Variants in TBC1D23 observed in about 807,000 individuals in gnomAD.
TBC1D23 encodes HCV non-structural protein 4A-transactivated protein 1.
TBC1D23 carries 55 observed loss-of-function variants against 91.4 expected under a neutral mutation model. That is an observed-to-expected ratio of 0.60 (90% CI 0.48 to 0.75). The LOEUF is 0.75. Among genes scored for constraint, TBC1D23 ranks in the 30% least tolerant of loss-of-function variants. The probability of loss-of-function intolerance (pLI) is 0.00; values close to 1 mark genes in which losing one functional copy is unlikely to be tolerated. For missense variants in TBC1D23, 725 were observed against 836.1 expected, an observed-to-expected ratio of 0.87 and a Z score of 1.64; for synonymous variants, 289 against 281.0, an observed-to-expected ratio of 1.03 and a Z score of -0.28.
chr3:100,301,630 G>A (rs1445704874), intron 10 of TBC1D23, among the ~76,000 whole-genome samples: 1 of 152,184 alleles, frequency 6.6e-6, no homozygotes, highest in African/African-American at 2.4e-5. Context: ...ACCTGGAATA[G>A]TGCTGATAAA....
intron 2 of TBC1D23, among the ~76,000 whole-genome samples, chr3:100,280,868 G>A (rs1168985942): frequency 2.6e-5 from 4 of 152,096 alleles, no homozygotes; most frequent in Non-Finnish European, 5.9e-5. Context: ...TTAAAAGAAT[G>A]GTAATTCCTG....
chr3:100,271,449 T>C (rs2067598564), intron 1 of TBC1D23, among the ~76,000 whole-genome samples: 2 of 152,140 alleles, frequency 1.3e-5, no homozygotes, highest in East Asian at 1.9e-4. Context: ...AGAGAAGGGA[T>C]AATGGATGGC....
intron 13 of TBC1D23, 71 bp downstream of exon 13, chr3:100,306,614 C>G: frequency 1.2e-6 from 1 of 819,248 alleles, no homozygotes; most frequent in Non-Finnish European, 2.1e-6. Flanking sequence ...CTACTAAACC[C>G]CCACCATAAC....
In TBC1D23 at chr3:100,302,168, C is replaced by G; in HGVS notation, c.1194C>G (p.Leu398=). ...ESGSIAGGEH[L]CFMGSGREEE... is the part of the protein sequence containing the mutation. ...GCTCCATAGCTGGTGGGGAGCACCT[C>G]TGTTTTATGGGCAGTGGCAGGGAGG... Residue 398 remains leucine (L), a synonymous_variant, in exon 11 of 19, where the codon CTC becomes CTG. Coordinates refer to ENST00000394144, the MANE Select transcript of TBC1D23 (RefSeq NM_001199198.3). 6.2e-7 allele frequency: 1 copy of G among 1,614,056 alleles called. No individual in the cohort carries two copies. The highest frequency in any genetic ancestry group is 8.5e-7 in the Non-Finnish European group (1 of 1,179,980).
chr3:100,300,103 A>G (rs1705396947), intron 10 of TBC1D23, among the ~76,000 whole-genome samples: 1 of 152,224 alleles, frequency 6.6e-6, no homozygotes. Flanking sequence ...CTTAGTTATT[A>G]AAACTACTAT....
intron 4 of TBC1D23, among the ~76,000 whole-genome samples, chr3:100,287,831 C>G (rs2067757265): frequency 6.6e-6 from 1 of 151,758 alleles, no homozygotes; most frequent in Non-Finnish European, 1.5e-5. Context: ...GTTGTCTAGG[C>G]TGGTCTTGAA....
At chr3:100,275,178 A>G (rs966839163) in intron 1 of TBC1D23, among the ~76,000 whole-genome samples, 1 of 151,668 alleles carries the variant, frequency 6.6e-6, no homozygotes, top group Non-Finnish European at 1.5e-5. Context: ...TTGTCAACCT[A>G]TGTTTTTTGA....
At chr3:100,271,064 A>G (rs1315817312) in intron 1 of TBC1D23, among the ~76,000 whole-genome samples, 1 of 152,202 alleles carries the variant, frequency 6.6e-6, no homozygotes, top group East Asian at 1.9e-4. Context: ...ATAGACTGAG[A>G]GGCTTCATGA....
intron 1 of TBC1D23, among the ~76,000 whole-genome samples, chr3:100,264,503 T>G (rs4928119): frequency 0.51 from 77,922 of 152,006 alleles, 20,510 homozygotes; most frequent in East Asian, 0.59. Context: ...GGAATTTATG[T>G]TCTAGATACA....
chr3:100,309,526 CTG>C (rs1705580537), intron 13 of TBC1D23, among the ~76,000 whole-genome samples: 1 of 150,284 alleles, frequency 6.7e-6, no homozygotes, highest in Admixed American at 6.6e-5. Flanking sequence ...GTAGTTTTAA[CTG>C]TTTCTTATAT....
intron 1 of TBC1D23, among the ~76,000 whole-genome samples, chr3:100,278,181 A>G (rs1006813330): frequency 6.6e-6 from 1 of 152,148 alleles, no homozygotes; most frequent in Non-Finnish European, 1.5e-5. Flanking sequence ...GGAATAATTT[A>G]TTTTCTTCAG....
chr3:100,300,218 G>A (rs1319954145), intron 10 of TBC1D23, among the ~76,000 whole-genome samples: 1 of 152,160 alleles, frequency 6.6e-6, no homozygotes, highest in African/African-American at 2.4e-5. Flanking sequence ...GATCATTAAA[G>A]CCTCAGGGAT....
chr3:100,275,899 A>G (rs953317063), intron 1 of TBC1D23, among the ~76,000 whole-genome samples: 1 of 152,230 alleles, frequency 6.6e-6, no homozygotes, highest in African/African-American at 2.4e-5. Context: ...AAATGAAACC[A>G]GGCATAAAGG....
chr3:100,262,122 C>G (rs2067516170), intron 1 of TBC1D23, among the ~76,000 whole-genome samples: 1 of 152,148 alleles, frequency 6.6e-6, no homozygotes, highest in Non-Finnish European at 1.5e-5. Flanking sequence ...TACCGTAGCG[C>G]TGGGCTCTCC....
chr3:100,302,894 G>A (rs79083005), intron 11 of TBC1D23, among the ~76,000 whole-genome samples: 1,664 of 152,148 alleles, frequency 0.011, 23 homozygotes, highest in African/African-American at 0.032. Context: ...GGCCTATTAT[G>A]TTACATTGAT....
chr3:100,294,832 C>G (rs142396009), intron 5 of TBC1D23, among the ~76,000 whole-genome samples: 11 of 152,088 alleles, frequency 7.2e-5, no homozygotes, highest in African/African-American at 2.7e-4. Flanking sequence ...AGCATTATTC[C>G]TCTTTTTTAC....
Position 100,279,734 on chromosome 3 carries a change from G to A in TBC1D23, c.139G>A (p.Ala47Thr), listed in dbSNP as rs1553727412. 1.2e-6 allele frequency: 2 copies of A among 1,602,734 alleles called. No homozygotes were observed. Among genetic ancestry groups the A allele is most frequent in the South Asian group, 1.1e-5 (1 of 89,686 alleles). Reference protein sequence around the residue: ...RNIIQGRPLPADLRAKVWKIA... With the variant: ...RNIIQGRPLPTDLRAKVWKIA... ...TATAATTCAAGGAAGACCGCTGCCT[G>A]CTGATCTGAGGGCCAAAGTTTGGAA... The change falls in exon 2 of 19, where the codon GCT becomes ACT. Residue 47 changes from alanine (A) to threonine (T), a missense_variant. By Grantham distance (58) the Ala-to-Thr change is moderately conservative. Transcript: ENST00000394144.
In TBC1D23 at chr3:100,295,366, TAGTGAA is replaced by T; in HGVS notation, c.772+20_772+25del. The stretch of plus-strand genomic sequence containing the variant: ...AGTTATCAGTAAGTATCATTTAATG[TAGTGAA>T]AACATTTCAGGTCTCTTTATCTGTG... On this transcript the variant is annotated intron_variant, in intron 7 of 18. Coordinates refer to ENST00000394144, the MANE Select transcript of TBC1D23 (RefSeq NM_001199198.3). 1 of 1,588,474 alleles carries T rather than the reference TAGTGAA, an allele frequency of 6.3e-7. No homozygotes were observed. Among genetic ancestry groups the T allele is most frequent in the East Asian group, 2.2e-5 (1 of 44,646 alleles).
Position 100,320,868 on chromosome 3 carries a change from A to G in TBC1D23, c.1915A>G (p.Asn639Asp). The change falls in exon 18 of 19, where the codon AAT (asparagine) becomes GAT (aspartate). Residue 639 changes from asparagine (N) to aspartate (D), a missense_variant. Coordinates refer to ENST00000394144, the MANE Select transcript of TBC1D23 (RefSeq NM_001199198.3). ...LAYIQSRQAL[N>D]SVVKITSKKK... ...TTATATACAGTCTCGACAAGCGCTG[A>G]ATTCTGTAGTTAAAATTACATCCAA... The G allele has an allele frequency of 6.2e-7, 1 of 1,613,244 alleles. No homozygotes were observed. Among genetic ancestry groups the G allele is most frequent in the Non-Finnish European group, 8.5e-7 (1 of 1,179,396 alleles).
Sources: allele counts gnomAD v4.1 joint callset (sites outside exome capture counted in the v4.1 genomes callset), GRCh38; gene constraint gnomAD v4.1.1; transcripts MANE v1.5; gene names NCBI Gene and HGNC (gene_info 2026-07-23, HGNC 2026-07-21).